The following CSRNP3 variants were observed in gnomAD, a reference collection of about 807,000 sequenced individuals.
CSRNP3 encodes cysteine/serine-rich nuclear protein 3.
A neutral mutation model predicts 48.0 loss-of-function variants in CSRNP3; 12 were observed. The observed-to-expected ratio is 0.25, with a 90% CI of 0.16 to 0.41. The LOEUF is 0.41. Ranked by LOEUF, CSRNP3 falls within the 10% of genes least tolerant of loss-of-function variation. The pLI, the probability that CSRNP3 is intolerant of heterozygous loss-of-function variation, is 1.00. For synonymous variants in CSRNP3, 263 were observed against 269.7 expected, an observed-to-expected ratio of 0.98 and a Z score of 0.24; for missense variants, 580 against 724.4, an observed-to-expected ratio of 0.80 and a Z score of 2.29.
intron 4 of CSRNP3, among the ~76,000 whole-genome samples, chr2:165,620,364 A>G (rs934420949): frequency 3.3e-5 from 5 of 152,214 alleles, no homozygotes; most frequent in Admixed American, 2.6e-4. Context: ...GAAATAAAAC[A>G]TATCCACTTA....
chr2:165,517,200 A>G (rs11888805), intron 2 of CSRNP3, among the ~76,000 whole-genome samples: 45,143 of 151,818 alleles, frequency 0.3, 7,310 homozygotes, highest in African/African-American at 0.41. Flanking sequence ...AATAAAAAGT[A>G]TATATCATTA....
intron 3 of CSRNP3, among the ~76,000 whole-genome samples, chr2:165,532,332 C>G (rs1467980109): frequency 1.3e-5 from 2 of 152,062 alleles, no homozygotes; most frequent in Admixed American, 6.6e-5. Context: ...CAAACCGAAT[C>G]CAGCAGCACA....
At chr2:165,672,247 C>G (rs2105359867) in intron 5 of CSRNP3, among the ~76,000 whole-genome samples, 1 of 152,294 alleles carries the variant, frequency 6.6e-6, no homozygotes, top group Non-Finnish European at 1.5e-5. Flanking sequence ...CATCACCCTA[C>G]TCCTGGTACC....
At chr2:165,660,801 T>C (rs896705900) in intron 5 of CSRNP3, among the ~76,000 whole-genome samples, 1 of 152,234 alleles carries the variant, frequency 6.6e-6, no homozygotes, top group Non-Finnish European at 1.5e-5. Context: ...CAGTTTGTTA[T>C]TGGTAATTGA....
intron 3 of CSRNP3, among the ~76,000 whole-genome samples, chr2:165,540,950 T>A (rs1056088531): frequency 1.3e-5 from 2 of 152,032 alleles, no homozygotes; most frequent in Non-Finnish European, 2.9e-5. Flanking sequence ...TTTGTAAAAA[T>A]CAAATATTTT....
At chr2:165,499,080 C>A (rs951008490) in intron 2 of CSRNP3, among the ~76,000 whole-genome samples, 8 of 152,124 alleles carry the variant, frequency 5.3e-5, no homozygotes, top group Non-Finnish European at 1.0e-4. Context: ...GCAGTGGTCA[C>A]AGGCAATACA....
Position 165,673,807 on chromosome 2 carries a change from G to A in CSRNP3, c.409-2505G>A, listed in dbSNP as rs185711389. Among the ~76,000 whole-genome samples the A allele has an allele frequency of 5.9e-4, 90 of 152,160 alleles. No individual in the cohort carries two copies. In the East Asian group the frequency reaches 0.015, roughly 25 times the overall value. On this transcript the variant is annotated intron_variant, in intron 5 of 6. Coordinates refer to ENST00000651982, the MANE Select transcript of CSRNP3 (RefSeq NM_001172173.2). ...AGGCCAAGGCAGGTGGATCACCTGA[G>A]GTCAGGAGTTCGAGACCAGCCTGAC...
rs1558968281 is a variant in CSRNP3 at position 165,667,037 on chromosome 2, A to AGGAAGGAAGGAAG, written c.408+9018_408+9019insGAAGGAAGGAAGG. 3.5e-4 allele frequency among the ~76,000 whole-genome samples: 43 copies of AGGAAGGAAGGAAG among 124,542 alleles called. 15 individuals are homozygous for AGGAAGGAAGGAAG. The highest frequency in any genetic ancestry group is 3.1e-3 in the East Asian group (13 of 4,182). 81.7% of individuals were successfully genotyped at this position (124,542 alleles called of 152,430 possible). ...AGGAAGGAAAGAGAGAGAGGAAGAA[A>AGGAAGGAAGGAAG]GAAAGAGAGAGAGAAAGGAAGGAAG... is the stretch of plus-strand genomic sequence containing the variant. On this transcript the variant is annotated intron_variant, in intron 5 of 6. Transcript: ENST00000651982.
At chr2:165,525,814 T>C (rs1038936731) in intron 3 of CSRNP3, among the ~76,000 whole-genome samples, 11 of 152,178 alleles carry the variant, frequency 7.2e-5, no homozygotes, top group African/African-American at 2.7e-4. Context: ...GGTCTTTGCT[T>C]AACCCAAGGT....
In CSRNP3 at chr2:165,688,199, T is replaced by G. The variant is rs543631194; in HGVS notation, c.*8446T>G. ...TCAAAAGTGTTTGATGTATAATAAA[T>G]GCTAGAAATTTACAGTACAGAAATA... On this transcript the variant is annotated 3_prime_UTR_variant, in exon 7 of 7. Transcript: ENST00000651982. The G allele has an allele frequency of 6.6e-6, 1 of 152,246 alleles. No individual in the cohort carries two copies. The highest frequency in any genetic ancestry group is 2.4e-5 in the African/African-American group (1 of 41,574). 9.4% of individuals were successfully genotyped at this position (152,246 alleles called of 1,614,324 possible). A position where few individuals can be genotyped will look rare whatever the true frequency, so the allele number is the denominator to read the frequency against.
chr2:165,547,640 T>C (rs1685049972), intron 3 of CSRNP3, among the ~76,000 whole-genome samples: 1 of 152,062 alleles, frequency 6.6e-6, no homozygotes, highest in Non-Finnish European at 1.5e-5. Flanking sequence ...TTTCTTCTTT[T>C]AGATTTTACT....
At chr2:165,613,248 C>T (rs1336380666) in intron 4 of CSRNP3, among the ~76,000 whole-genome samples, 2 of 152,078 alleles carry the variant, frequency 1.3e-5, no homozygotes, top group African/African-American at 4.8e-5. Context: ...TTCAGATCCT[C>T]TGACCATTTT....
chr2:165,576,987 G>A lies in CSRNP3; in HGVS notation c.-23-18056G>A, dbSNP rs560862849. ...AAACTAGAGACCATATTGTAGGCTTGGAAAAGATTTCAGGGCAAACATGTT... is the reference window on the plus strand; with the variant it reads ...AAACTAGAGACCATATTGTAGGCTTAGAAAAGATTTCAGGGCAAACATGTT... On this transcript the variant is annotated intron_variant, in intron 3 of 6. Transcript: ENST00000651982. 3.9e-5 allele frequency among the ~76,000 whole-genome samples: 6 copies of A among 151,968 alleles called. No individual in the cohort carries two copies. In the South Asian group the frequency reaches 1.0e-3, roughly 26 times the overall value.
chr2:165,656,013 C>T (rs556844416), intron 4 of CSRNP3, among the ~76,000 whole-genome samples: 2 of 151,190 alleles, frequency 1.3e-5, no homozygotes, highest in Admixed American at 6.6e-5. Flanking sequence ...GGACAAAATT[C>T]AACCCCTAAT....
intron 1 of CSRNP3, among the ~76,000 whole-genome samples, chr2:165,485,047 A>T (rs1292880167): frequency 6.6e-6 from 1 of 152,232 alleles, no homozygotes. Context: ...ACAACAAAAT[A>T]TCATAGATTG....
Position 165,673,131 on chromosome 2 carries a change from C to CTTTTTTTTTTTTT in CSRNP3, c.409-3169_409-3157dup, listed in dbSNP as rs3032370. ...AGCAAGAGTGAAACAGTATGTAGCTCTTTTTTTTTTTTTTTTTTTTTTTTG... is the reference window on the plus strand; with the variant it reads ...AGCAAGAGTGAAACAGTATGTAGCTCTTTTTTTTTTTTTTTTTTTTTTTTTTTTTTTTTTTTTG... On this transcript the variant is annotated intron_variant, in intron 5 of 6. Coordinates refer to ENST00000651982, the MANE Select transcript of CSRNP3 (RefSeq NM_001172173.2). 1.0e-4 allele frequency among the ~76,000 whole-genome samples: 7 copies of CTTTTTTTTTTTTT among 67,124 alleles called. 2 individuals are homozygous for CTTTTTTTTTTTTT. Among genetic ancestry groups the CTTTTTTTTTTTTT allele is most frequent in the Admixed American group, 4.8e-4 (2 of 4,184 alleles). 44.0% of individuals were successfully genotyped at this position (67,124 alleles called of 152,430 possible).
At chr2:165,527,576 TCA>T (rs201505990) in intron 3 of CSRNP3, among the ~76,000 whole-genome samples, 4 of 152,002 alleles carry the variant, frequency 2.6e-5, no homozygotes, top group Non-Finnish European at 5.9e-5. Context: ...CATATAAATA[TCA>T]CACACACACA....
chr2:165,564,024 A>G (rs1449867231), intron 3 of CSRNP3, among the ~76,000 whole-genome samples: 2 of 152,024 alleles, frequency 1.3e-5, no homozygotes, highest in Admixed American at 6.6e-5. Flanking sequence ...GCCACCTCTA[A>G]TCACCCCTTT....
chr2:165,589,710 T>C (rs1558942800), intron 3 of CSRNP3, among the ~76,000 whole-genome samples: 1 of 152,198 alleles, frequency 6.6e-6, no homozygotes, highest in Non-Finnish European at 1.5e-5. Flanking sequence ...AAAGAGGCTT[T>C]TTAATTATCT....
Sources: allele counts gnomAD v4.1 joint callset (sites outside exome capture counted in the v4.1 genomes callset), GRCh38; gene constraint gnomAD v4.1.1; transcripts MANE v1.5; gene names NCBI Gene and HGNC (gene_info 2026-07-23, HGNC 2026-07-21).